The following FGD3 variants were observed in gnomAD, a reference collection of about 807,000 sequenced individuals.
The protein encoded by FGD3 is FYVE, RhoGEF and PH domain containing 3.
Under a neutral mutation model 71.8 loss-of-function variants are expected in FGD3, and 45 were observed. The observed-to-expected ratio is 0.63, with a 90% CI of 0.49 to 0.80. The LOEUF is 0.80. Among genes scored for constraint, FGD3 ranks in the 30% least tolerant of loss-of-function variants. FGD3 has a pLI of 0.00. For missense variants in FGD3, 844 were observed against 951.5 expected, an observed-to-expected ratio of 0.89 and a Z score of 1.49; for synonymous variants, 378 against 392.8, an observed-to-expected ratio of 0.96 and a Z score of 0.44.
At chr9:93,023,795 C>CTTTTTTTTTTTT (rs569058583) in intron 14 of FGD3, among the ~76,000 whole-genome samples, 4 of 107,670 alleles carry the variant, frequency 3.7e-5, no homozygotes, top group Non-Finnish European at 5.4e-5. Context: ...CCATCAGCAA[C>CTTTTTTTTTTTT]TTTTTTTTTT....
At chr9:92,999,531 GCGT>G (rs1185329455) in intron 3 of FGD3, among the ~76,000 whole-genome samples, 1 of 151,472 alleles carries the variant, frequency 6.6e-6, no homozygotes, top group African/African-American at 2.4e-5. Flanking sequence ...TCCGTCTAAT[GCGT>G]CGCTTATGCT....
chr9:92,995,898 G>A (rs1278356370), intron 3 of FGD3, among the ~76,000 whole-genome samples: 1 of 151,874 alleles, frequency 6.6e-6, no homozygotes, highest in Non-Finnish European at 1.5e-5. Flanking sequence ...TGAGGATTTT[G>A]GTATCGATGT....
chr9:92,964,793 C>T (rs1299497935), intron 1 of FGD3, among the ~76,000 whole-genome samples: 2 of 152,138 alleles, frequency 1.3e-5, no homozygotes, highest in African/African-American at 4.8e-5. Flanking sequence ...GAGACCACGG[C>T]CAGCCCCTCT....
At chr9:92,995,147 C>T (rs531980866) in intron 3 of FGD3, among the ~76,000 whole-genome samples, 107 of 152,206 alleles carry the variant, frequency 7.0e-4, no homozygotes, top group Admixed American at 1.7e-3. Context: ...TCTTTTATTT[C>T]GTTGAGCAGT....
intron 1 of FGD3, among the ~76,000 whole-genome samples, chr9:92,948,629 T>A (rs773003676): frequency 5.3e-5 from 8 of 152,260 alleles, no homozygotes; most frequent in South Asian, 2.1e-4. Flanking sequence ...TGTATGTGTG[T>A]GCACAGGATT....
intron 1 of FGD3, among the ~76,000 whole-genome samples, chr9:92,951,520 A>T (rs555423646): frequency 6.6e-6 from 1 of 152,332 alleles, no homozygotes; most frequent in East Asian, 1.9e-4. Flanking sequence ...TGCAAAAAAT[A>T]CACAAATAAG....
At chr9:93,009,253 A>C (rs1861199018) in intron 6 of FGD3, among the ~76,000 whole-genome samples, 1 of 130,988 alleles carries the variant, frequency 7.6e-6, no homozygotes, top group Non-Finnish European at 1.6e-5. Context: ...ACAGAGCGAG[A>C]CTCCGTCTCA....
At chr9:93,019,140 GTGCCCAGCCCCT>G (rs1341585486) in intron 11 of FGD3, among the ~76,000 whole-genome samples, 2 of 152,108 alleles carry the variant, frequency 1.3e-5, no homozygotes, top group Non-Finnish European at 2.9e-5. Flanking sequence ...GTGAGCCACC[GTGCCCAGCCCCT>G]TCTAGGATTT....
At chr9:92,956,863 G>A (rs189133848) in intron 1 of FGD3, among the ~76,000 whole-genome samples, 2 of 112,664 alleles carry the variant, frequency 1.8e-5, no homozygotes, top group African/African-American at 7.3e-5. Context: ...TTTGAAGACA[G>A]AGCCTTGCTC....
intron 1 of FGD3, among the ~76,000 whole-genome samples, chr9:92,965,119 G>A (rs551713244): frequency 1.1e-4 from 16 of 152,342 alleles, no homozygotes; most frequent in African/African-American, 3.4e-4. Context: ...GGCACAACCC[G>A]ATGCCACCGT....
chr9:93,002,520 C>G (rs1232023181), intron 3 of FGD3, among the ~76,000 whole-genome samples: 2 of 152,104 alleles, frequency 1.3e-5, no homozygotes, highest in African/African-American at 4.8e-5. Flanking sequence ...AATTTCCCTA[C>G]ACCTTTTACT....
intron 8 of FGD3, among the ~76,000 whole-genome samples, chr9:93,012,170 A>T (rs933980015): frequency 2.1e-5 from 3 of 142,140 alleles, no homozygotes; most frequent in Non-Finnish European, 3.1e-5. Context: ...AAAAAAAAAA[A>T]ATGTATAACA....
At chr9:92,993,602 C>T (rs1278213828) in intron 3 of FGD3, among the ~76,000 whole-genome samples, 1 of 152,146 alleles carries the variant, frequency 6.6e-6, no homozygotes, top group Non-Finnish European at 1.5e-5. Flanking sequence ...TCTCCTAATG[C>T]TATCCCTCCT....
At chr9:93,008,108 CATT>C (rs1861142472) in intron 6 of FGD3, among the ~76,000 whole-genome samples, 1 of 152,144 alleles carries the variant, frequency 6.6e-6, no homozygotes, top group Admixed American at 6.5e-5. Flanking sequence ...CATTGTTATG[CATT>C]ATTAACATTT....
intron 2 of FGD3, among the ~76,000 whole-genome samples, chr9:92,975,927 C>T (rs187575452): frequency 4.6e-5 from 7 of 152,332 alleles, no homozygotes; most frequent in Admixed American, 1.3e-4. Flanking sequence ...ATTTATTGAA[C>T]AGCAGATAGC....
rs536596294 is a variant in FGD3, at chr9:93,035,427, G to C, written c.2016G>C (p.Trp672Cys). ...PEERLDSGHV[W>C]KLQWAKQSWY... is the part of the protein sequence containing the mutation. ...AGAGGCTGGACTCGGGGCATGTGTG[G>C]AAGCTGCAGTGGGCCAAGCAGTCCT... The change falls in exon 18 of 18, where the codon TGG (tryptophan) becomes TGC (cysteine). Residue 672 changes from tryptophan to cysteine, a missense_variant. Transcript: ENST00000375482. The C allele has an allele frequency of 1.1e-5, 17 of 1,612,496 alleles. No individual in the cohort carries two copies. The South Asian group carries it at 1.8e-4, about 17-fold the overall frequency.
At chr9:92,971,680 T>A (rs4744159) in intron 1 of FGD3, among the ~76,000 whole-genome samples, 87,945 of 148,172 alleles carry the variant, frequency 0.59, 26,208 homozygotes, top group South Asian at 0.68. Context: ...GGTTCAAGCA[T>A]TTCTCCTGCC....
At chr9:92,994,582 TC>T (rs1265945401) in intron 3 of FGD3, among the ~76,000 whole-genome samples, 1 of 152,270 alleles carries the variant, frequency 6.6e-6, no homozygotes, top group Non-Finnish European at 1.5e-5. Flanking sequence ...GCCTAGCTTT[TC>T]TTCCAGGGTT....
chr9:93,023,189 C>T (rs1266694395), intron 14 of FGD3, among the ~76,000 whole-genome samples: 1 of 152,202 alleles, frequency 6.6e-6, no homozygotes, highest in Non-Finnish European at 1.5e-5. Flanking sequence ...TGTGCAGGCC[C>T]AGGAATGACA....
Sources: allele counts gnomAD v4.1 joint callset (sites outside exome capture counted in the v4.1 genomes callset), GRCh38; gene constraint gnomAD v4.1.1; transcripts MANE v1.5; gene names NCBI Gene and HGNC (gene_info 2026-07-23, HGNC 2026-07-21).